BAZ2B: variants seen among roughly 807,000 people sequenced by gnomAD.
The protein encoded by BAZ2B is bromodomain adjacent to zinc finger domain 2B.
Under a neutral mutation model 246.0 loss-of-function variants are expected in BAZ2B, and 91 were observed. That is an observed-to-expected ratio of 0.37 (90% confidence interval 0.31 to 0.44). BAZ2B has a LOEUF of 0.44. BAZ2B is among the 20% of genes least tolerant of loss of function. The probability of loss-of-function intolerance (pLI) is 1.00; values close to 1 mark genes in which losing one functional copy is unlikely to be tolerated. For missense variants in BAZ2B, 2,332 were observed against 2,533.7 expected (o/e 0.92, Z 1.71); for synonymous variants, 855 against 860.0 (o/e 0.99, Z 0.10).
intron 27 of BAZ2B, among the ~76,000 whole-genome samples, chr2:159,362,200 T>C (rs1210258150): frequency 2.0e-5 from 3 of 151,866 alleles, no homozygotes. Context: ...TGGAAGGCCA[T>C]AGGGGCTTTC....
At chr2:159,582,110 C>T (rs1320264274) in intron 1 of BAZ2B, among the ~76,000 whole-genome samples, 3 of 151,924 alleles carry the variant, frequency 2.0e-5, no homozygotes, top group South Asian at 2.1e-4. Flanking sequence ...TTAAAGAAAA[C>T]GTATTTATAT....
At chr2:159,391,286 T>C (rs1437069449) in intron 20 of BAZ2B, among the ~76,000 whole-genome samples, 1 of 152,182 alleles carries the variant, frequency 6.6e-6, no homozygotes, top group Non-Finnish European at 1.5e-5. Context: ...TACTACAGTG[T>C]CTATGCCATA....
intron 2 of BAZ2B, among the ~76,000 whole-genome samples, chr2:159,553,392 CAAAAAAAAA>C (rs35253250): frequency 0.061 from 4,547 of 74,078 alleles, 257 homozygotes; most frequent in African/African-American, 0.22. Context: ...GACTCTGTCT[CAAAAAAAAA>C]AAAAAAAAAA....
chr2:159,545,291 T>C (rs1411627320), intron 2 of BAZ2B, among the ~76,000 whole-genome samples: 3 of 152,224 alleles, frequency 2.0e-5, no homozygotes, highest in Non-Finnish European at 4.4e-5. Context: ...TCTTGTTCCC[T>C]GAAGCACTCT....
chr2:159,346,139 T>C (rs1173362859), intron 31 of BAZ2B, among the ~76,000 whole-genome samples: 2 of 152,110 alleles, frequency 1.3e-5, no homozygotes, highest in Non-Finnish European at 2.9e-5. Flanking sequence ...GGAGGAGACA[T>C]AGTTTACTAG....
At chr2:159,598,061 T>C (rs1014289807) in intron 1 of BAZ2B, among the ~76,000 whole-genome samples, 1 of 151,898 alleles carries the variant, frequency 6.6e-6, no homozygotes, top group Non-Finnish European at 1.5e-5. Context: ...TGGCACGATC[T>C]CTGCTCACTG....
chr2:159,544,884 G>C (rs1279394677), intron 2 of BAZ2B, among the ~76,000 whole-genome samples: 4 of 152,198 alleles, frequency 2.6e-5, no homozygotes, highest in Non-Finnish European at 5.9e-5. Context: ...AATTTATGTA[G>C]ATAGGGACAA....
At chr2:159,494,989 T>C (rs1004641244) in intron 2 of BAZ2B, among the ~76,000 whole-genome samples, 1 of 152,182 alleles carries the variant, frequency 6.6e-6, no homozygotes, top group Non-Finnish European at 1.5e-5. Context: ...ACCTGGGTAC[T>C]AGGCATTAGA....
chr2:159,553,193 G>A (rs978650035), intron 2 of BAZ2B, among the ~76,000 whole-genome samples: 4 of 151,760 alleles, frequency 2.6e-5, no homozygotes, highest in South Asian at 2.1e-4. Context: ...TCAGGAGTTC[G>A]AGGCCAGCCT....
intron 31 of BAZ2B, among the ~76,000 whole-genome samples, chr2:159,342,607 A>G (rs1342162841): frequency 6.6e-6 from 1 of 152,176 alleles, no homozygotes; most frequent in Non-Finnish European, 1.5e-5. Flanking sequence ...TTGATACATG[A>G]ACAATGAATT....
intron 2 of BAZ2B, among the ~76,000 whole-genome samples, chr2:159,517,274 A>G (rs969066787): frequency 6.6e-6 from 1 of 152,058 alleles, no homozygotes; most frequent in Non-Finnish European, 1.5e-5. Context: ...AAACATTGTT[A>G]GCTTGAAAAC....
intron 21 of BAZ2B, among the ~76,000 whole-genome samples, chr2:159,387,573 T>C (rs2062792342): frequency 6.6e-6 from 1 of 152,160 alleles, no homozygotes; most frequent in Non-Finnish European, 1.5e-5. Context: ...AAACTATAGA[T>C]AATAGCTCAT....
At chr2:159,638,094 G>A in the BAZ2B span, among the ~76,000 whole-genome samples, 11 of 152,332 alleles carry the variant, frequency 7.2e-5, no homozygotes, top group African/African-American at 2.2e-4. Flanking sequence ...GAGAGACTCC[G>A]TTTGTCTGGA....
intron 1 of BAZ2B, among the ~76,000 whole-genome samples, chr2:159,566,717 C>T (rs1578438726): frequency 6.6e-6 from 1 of 152,114 alleles, no homozygotes; most frequent in South Asian, 2.1e-4. Context: ...CTACTAATTA[C>T]GTATTTGTGT....
chr2:159,583,178 G>T (rs7596462), intron 1 of BAZ2B, among the ~76,000 whole-genome samples: 1 of 150,238 alleles, frequency 6.7e-6, no homozygotes, highest in Non-Finnish European at 1.5e-5. Flanking sequence ...ACAGTGGCGC[G>T]ATCTCAGCTC....
the BAZ2B span, among the ~76,000 whole-genome samples, chr2:159,658,952 C>A: frequency 6.6e-6 from 1 of 152,100 alleles, no homozygotes; most frequent in African/African-American, 2.4e-5. Context: ...TTGTGGCTGG[C>A]CTTAGCTGAA....
chr2:159,594,312 C>T (rs1054099244), intron 1 of BAZ2B, among the ~76,000 whole-genome samples: 2 of 152,076 alleles, frequency 1.3e-5, no homozygotes, highest in Admixed American at 6.5e-5. Flanking sequence ...GAGGCTAAGG[C>T]AGGAGAATGG....
At chr2:159,692,036 A>C in the BAZ2B span, among the ~76,000 whole-genome samples, 1 of 152,330 alleles carries the variant, frequency 6.6e-6, no homozygotes, top group South Asian at 2.1e-4. Context: ...TATATGTGTA[A>C]GTTTTGACAA....
chr2:159,338,202 T>C (rs939313810), intron 31 of BAZ2B, among the ~76,000 whole-genome samples: 8 of 152,192 alleles, frequency 5.3e-5, no homozygotes, highest in Admixed American at 2.6e-4. Context: ...GCTTCAAATA[T>C]GCTATTACCT....
Sources: allele counts gnomAD v4.1 joint callset (sites outside exome capture counted in the v4.1 genomes callset), GRCh38; gene constraint gnomAD v4.1.1; transcripts MANE v1.5; gene names NCBI Gene and HGNC (gene_info 2026-07-23, HGNC 2026-07-21).